DOCK1: variants seen among roughly 807,000 people sequenced by gnomAD.
DOCK1 encodes dedicator of cytokinesis protein 1.
Under a neutral mutation model 262.7 loss-of-function variants are expected in DOCK1, and 138 were observed. The ratio of observed to expected loss-of-function variants is 0.53; its 90% CI spans 0.46 to 0.61. The LOEUF (loss-of-function observed/expected upper bound fraction) is 0.61. DOCK1 is among the 20% of genes least tolerant of loss of function. The probability of loss-of-function intolerance (pLI) is 0.00; values close to 1 mark genes in which losing one functional copy is unlikely to be tolerated. For synonymous variants in DOCK1, 866 were observed against 867.4 expected (o/e 1.00, Z 0.03); for missense variants, 1,908 against 2,370.7 (o/e 0.80, Z 4.05).
intron 21 of DOCK1, among the ~76,000 whole-genome samples, chr10:127,051,529 T>C (rs1338168368): frequency 6.6e-6 from 1 of 152,154 alleles, no homozygotes; most frequent in Admixed American, 6.5e-5. Context: ...TTCATGCCTT[T>C]AAAAAAATTG....
chr10:126,990,165 T>G (rs546938421), intron 5 of DOCK1, among the ~76,000 whole-genome samples: 1 of 152,240 alleles, frequency 6.6e-6, no homozygotes, highest in South Asian at 2.1e-4. Flanking sequence ...GCTCAAGGTC[T>G]AGCCCCTGTT....
intron 23 of DOCK1, among the ~76,000 whole-genome samples, chr10:127,086,882 C>A (rs1046900221): frequency 1.3e-5 from 2 of 152,128 alleles, no homozygotes; most frequent in Non-Finnish European, 2.9e-5. Flanking sequence ...AAATTAATAA[C>A]GTGTTTTAGT....
chr10:127,173,868 T>A (rs914649909), intron 27 of DOCK1, among the ~76,000 whole-genome samples: 2 of 152,184 alleles, frequency 1.3e-5, no homozygotes, highest in African/African-American at 4.8e-5. Flanking sequence ...TACCTATGAA[T>A]CTACTGTTAA....
At chr10:126,941,086 G>C (rs1407039055) in intron 1 of DOCK1, among the ~76,000 whole-genome samples, 1 of 152,112 alleles carries the variant, frequency 6.6e-6, no homozygotes, top group Non-Finnish European at 1.5e-5. Flanking sequence ...TCATCTGTTT[G>C]GTCATTGTCT....
At chr10:126,948,522 G>A (rs1357542553) in intron 1 of DOCK1, among the ~76,000 whole-genome samples, 1 of 151,862 alleles carries the variant, frequency 6.6e-6, no homozygotes, top group African/African-American at 2.4e-5. Flanking sequence ...CGGGCCTTTT[G>A]AGGGCATCTG....
intron 29 of DOCK1, among the ~76,000 whole-genome samples, chr10:127,267,229 C>T (rs973091637): frequency 4.6e-5 from 7 of 152,168 alleles, no homozygotes; most frequent in African/African-American, 1.7e-4. Context: ...GCCCACTGCA[C>T]CTTGGGATGG....
intron 5 of DOCK1, among the ~76,000 whole-genome samples, chr10:126,989,620 G>A (rs1283198557): frequency 6.6e-6 from 1 of 152,120 alleles, no homozygotes; most frequent in Non-Finnish European, 1.5e-5. Context: ...AGCTACCAAG[G>A]CCAGCATGCT....
chr10:127,006,857 G>C (rs1412054958), intron 10 of DOCK1, among the ~76,000 whole-genome samples: 1 of 152,144 alleles, frequency 6.6e-6, no homozygotes, highest in African/African-American at 2.4e-5. Flanking sequence ...GGCCACCCAG[G>C]ACCAGCTGGC....
At chr10:126,973,737 ATAATG>A (rs1403772585) in intron 2 of DOCK1, among the ~76,000 whole-genome samples, 2 of 152,200 alleles carry the variant, frequency 1.3e-5, no homozygotes, top group African/African-American at 4.8e-5. Context: ...TAAAAAGAGA[ATAATG>A]TACTTCCATT....
chr10:127,097,311 C>T (rs2047969919), intron 23 of DOCK1, among the ~76,000 whole-genome samples: 1 of 152,008 alleles, frequency 6.6e-6, no homozygotes, highest in Non-Finnish European at 1.5e-5. Context: ...TCCTGATTGC[C>T]TGGATATTAA....
At chr10:127,099,618 T>C (rs2048116074) in intron 23 of DOCK1, among the ~76,000 whole-genome samples, 1 of 152,008 alleles carries the variant, frequency 6.6e-6, no homozygotes, top group South Asian at 2.1e-4. Flanking sequence ...GGAGGTGCCA[T>C]TGTCTTAAAC....
At chr10:126,962,088 C>G (rs1395988541) in intron 1 of DOCK1, among the ~76,000 whole-genome samples, 1 of 152,160 alleles carries the variant, frequency 6.6e-6, no homozygotes, top group Non-Finnish European at 1.5e-5. Flanking sequence ...ACCTCCGCCT[C>G]CCGGATTCAA....
intron 24 of DOCK1, among the ~76,000 whole-genome samples, chr10:127,107,085 G>A (rs2136224592): frequency 6.6e-6 from 1 of 152,240 alleles, no homozygotes; most frequent in Non-Finnish European, 1.5e-5. Flanking sequence ...TGCCTTCAAA[G>A]CACTGGAATT....
intron 27 of DOCK1, among the ~76,000 whole-genome samples, chr10:127,237,850 C>T (rs1481868927): frequency 2.0e-5 from 3 of 152,158 alleles, no homozygotes; most frequent in Admixed American, 6.5e-5. Context: ...TAAGTCTTCT[C>T]ACTAGATTGT....
chr10:127,201,271 T>G (rs960503404), intron 27 of DOCK1, among the ~76,000 whole-genome samples: 16 of 152,212 alleles, frequency 1.1e-4, no homozygotes, highest in African/African-American at 3.4e-4. Context: ...TATTTCTGGT[T>G]TAAGACTCTC....
chr10:127,042,952 C>A, intron 20 of DOCK1, 112 bp from the exon 21 acceptor site: 1 of 920,532 alleles, frequency 1.1e-6, no homozygotes, highest in Non-Finnish European at 1.6e-6. Context: ...CAACTTCTAT[C>A]TGAAAATGTT....
intron 9 of DOCK1, among the ~76,000 whole-genome samples, 172 bp from the exon 10 acceptor site, chr10:127,000,000 T>G (rs1192162662): frequency 6.6e-6 from 1 of 152,216 alleles, no homozygotes; most frequent in Non-Finnish European, 1.5e-5. Flanking sequence ...TAAGCTCACT[T>G]AACAGTAATT....
chr10:127,415,916 G>A (rs897675383), intron 44 of DOCK1, among the ~76,000 whole-genome samples: 1 of 152,228 alleles, frequency 6.6e-6, no homozygotes, highest in East Asian at 1.9e-4. Context: ...ATTGAAATCT[G>A]TACGTTTTTG....
intron 1 of DOCK1, among the ~76,000 whole-genome samples, chr10:126,953,415 G>T (rs2036487921): frequency 6.6e-6 from 1 of 151,920 alleles, no homozygotes; most frequent in Admixed American, 6.6e-5. Context: ...GATGGTGGTG[G>T]TGGTAGTATT....
Sources: gnomAD v4.1 joint callset for allele counts (sites outside exome capture counted in the v4.1 genomes callset) on GRCh38, gnomAD v4.1.1 for gene constraint, MANE v1.5 for transcripts, NCBI Gene and HGNC (gene_info 2026-07-23, HGNC 2026-07-21) for gene names.